Variants in ANO6 observed in about 807,000 individuals in gnomAD.
ANO6 encodes anoctamin 6.
ANO6 carries 106 observed loss-of-function variants against 117.5 expected under a neutral mutation model. That is an observed-to-expected ratio of 0.90 (90% confidence interval 0.77 to 1.06). The LOEUF is 1.06. Among genes scored for constraint, ANO6 ranks in the 50% least tolerant of loss-of-function variants. The pLI, the probability that ANO6 is intolerant of heterozygous loss-of-function variation, is 0.00. For synonymous variants in ANO6, 367 were observed against 385.1 expected (o/e 0.95, Z 0.55); for missense variants, 955 against 1,121.1 (o/e 0.85, Z 2.12).
chr12:45,325,451 G>A (rs139339781), intron 2 of ANO6, among the ~76,000 whole-genome samples: 2 of 152,262 alleles, frequency 1.3e-5, no homozygotes, highest in African/African-American at 2.4e-5. Context: ...CCTCTAGGAG[G>A]ATAATCATTC....
chr12:45,423,992 A>G (rs1340241194), intron 19 of ANO6, among the ~76,000 whole-genome samples: 2 of 151,696 alleles, frequency 1.3e-5, no homozygotes, highest in East Asian at 1.9e-4. Flanking sequence ...AGTGGGGTAG[A>G]CTACCTGGAT....
intron 2 of ANO6, among the ~76,000 whole-genome samples, chr12:45,306,736 C>T (rs1202525377): frequency 6.6e-6 from 1 of 151,492 alleles, no homozygotes; most frequent in Non-Finnish European, 1.5e-5. Context: ...AAAAAAAATC[C>T]CTGCACTTGT....
chr12:45,250,860 G>A (rs1011531801), intron 1 of ANO6, among the ~76,000 whole-genome samples: 3 of 151,688 alleles, frequency 2.0e-5, no homozygotes, highest in East Asian at 1.9e-4. Context: ...CTGAGTAGCC[G>A]GAACTACAGG....
At chr12:45,391,264 C>T (rs1214317156) in intron 12 of ANO6, among the ~76,000 whole-genome samples, 2 of 152,118 alleles carry the variant, frequency 1.3e-5, no homozygotes, top group African/African-American at 4.8e-5. Flanking sequence ...AACACATTTT[C>T]TGTAAAATAT....
chr12:45,234,255 C>T (rs977898975), intron 1 of ANO6, among the ~76,000 whole-genome samples: 3 of 152,168 alleles, frequency 2.0e-5, no homozygotes, highest in African/African-American at 7.2e-5. Flanking sequence ...TGAAACTGAA[C>T]TGCACATTCA....
chr12:45,390,345 A>G, intron 11 of ANO6, 76 bp from the exon 12 acceptor site: 2 of 1,154,688 alleles, frequency 1.7e-6, no homozygotes, highest in Non-Finnish European at 2.6e-6. Flanking sequence ...TCTAAGATTT[A>G]TTGGCGAGTC....
chr12:45,356,395 C>T (rs188658806), intron 7 of ANO6, among the ~76,000 whole-genome samples: 2 of 152,264 alleles, frequency 1.3e-5, no homozygotes, highest in Admixed American at 1.3e-4. Context: ...GACACCCGCA[C>T]ACACATACAG....
rs537763178 is a variant in ANO6, at chr12:45,238,585, G to T, written c.70+22194G>T. On this transcript the variant is annotated intron_variant, in intron 1 of 19. Transcript: ENST00000320560. ...AGAACTTCCAACACTGTGTTAAATA[G>T]GAGTGGTAAGAGAGGGCATCCTAGT... Among the ~76,000 whole-genome samples the T allele has an allele frequency of 9.8e-5, 15 of 152,298 alleles. 1 individual carries two copies. In the South Asian group the frequency reaches 3.1e-3, roughly 32 times the overall value.
chr12:45,278,172 G>T (rs1423203792), intron 1 of ANO6, among the ~76,000 whole-genome samples: 1 of 152,112 alleles, frequency 6.6e-6, no homozygotes, highest in Non-Finnish European at 1.5e-5. Flanking sequence ...GCCCAGGCTG[G>T]TCTGGAACTC....
chr12:45,221,374 G>T (rs1362025696), intron 1 of ANO6, among the ~76,000 whole-genome samples: 1 of 152,184 alleles, frequency 6.6e-6, no homozygotes, highest in Non-Finnish European at 1.5e-5. Context: ...AGATTTTTGG[G>T]TCAGATGCTG....
chr12:45,320,628 A>G (rs1210996626), intron 2 of ANO6, among the ~76,000 whole-genome samples: 1 of 152,122 alleles, frequency 6.6e-6, no homozygotes, highest in African/African-American at 2.4e-5. Flanking sequence ...GTAGCTATCT[A>G]TTAGGTCCAC....
intron 8 of ANO6, among the ~76,000 whole-genome samples, chr12:45,359,380 C>A (rs999930387): frequency 1.3e-5 from 2 of 151,960 alleles, no homozygotes; most frequent in African/African-American, 4.8e-5. Flanking sequence ...TTGTGATCAC[C>A]ACCATCTAAT....
At chr12:45,378,252 C>A in intron 10 of ANO6, 139 bp downstream of exon 10, 1 of 793,096 alleles carries the variant, frequency 1.3e-6, no homozygotes, top group Non-Finnish European at 2.0e-6. Context: ...TAACTGAGGG[C>A]ATTTATCAGT....
chr12:45,358,497 CATTTCAA>C (rs1246558631), intron 8 of ANO6, among the ~76,000 whole-genome samples: 1 of 151,938 alleles, frequency 6.6e-6, no homozygotes, highest in Non-Finnish European at 1.5e-5. Flanking sequence ...ATCAAAAATA[CATTTCAA>C]AGTGCAGAAG....
intron 12 of ANO6, among the ~76,000 whole-genome samples, chr12:45,398,699 G>C (rs550104497): frequency 6.6e-6 from 1 of 152,220 alleles, no homozygotes; most frequent in Middle Eastern, 3.4e-3. Flanking sequence ...CGATGAGAAA[G>C]TATGGTCATG....
chr12:45,352,727 C>CAA (rs34198115), intron 7 of ANO6, among the ~76,000 whole-genome samples: 11 of 118,276 alleles, frequency 9.3e-5, no homozygotes, highest in Admixed American at 6.6e-4. Flanking sequence ...ACCCTGTCTC[C>CAA]AAAAAAAAAA....
At chr12:45,399,602 C>G (rs1337409385) in intron 12 of ANO6, among the ~76,000 whole-genome samples, 2 of 152,112 alleles carry the variant, frequency 1.3e-5, no homozygotes, top group African/African-American at 2.4e-5. Flanking sequence ...AGTTATGTGT[C>G]AATCCCTGGA....
At position 45,302,311 on chromosome 12, in the gene ANO6, A is replaced by G. The variant is rs527592989; in HGVS notation, c.150+218A>G. ...CATGGTCTATAGGTTTGTTCTTCAT[A>G]TTGTTCATGTAATTGCAAATGGGAG... On this transcript the variant is annotated intron_variant, in intron 2 of 19. Coordinates refer to ENST00000320560, the MANE Select transcript of ANO6 (RefSeq NM_001025356.3). Among the ~76,000 whole-genome samples, 9 of 152,280 alleles carry G rather than the reference A, an allele frequency of 5.9e-5. No homozygotes were observed. In the South Asian group the frequency reaches 1.9e-3, roughly 32 times the overall value.
At chr12:45,236,129 T>C (rs1376230248) in intron 1 of ANO6, among the ~76,000 whole-genome samples, 1 of 152,210 alleles carries the variant, frequency 6.6e-6, no homozygotes, top group African/African-American at 2.4e-5. Context: ...GACATCTGGC[T>C]CAAATTTTAA....
Sources: gnomAD v4.1 joint callset for allele counts (sites outside exome capture counted in the v4.1 genomes callset) on GRCh38, gnomAD v4.1.1 for gene constraint, MANE v1.5 for transcripts, NCBI Gene and HGNC (gene_info 2026-07-23, HGNC 2026-07-21) for gene names.